Variants in TTC39C observed in about 807,000 individuals in gnomAD.
The protein encoded by TTC39C is tetratricopeptide repeat domain 39C, also known as tetratricopeptide repeat protein 39C.
A neutral mutation model predicts 76.3 loss-of-function variants in TTC39C; 33 were observed. That is an observed-to-expected ratio of 0.43 (90% CI 0.33 to 0.58). The LOEUF is 0.58. Among genes scored for constraint, TTC39C ranks in the 20% least tolerant of loss-of-function variants. TTC39C has a pLI of 0.04. For missense variants in TTC39C, 595 were observed against 701.4 expected (o/e 0.85, Z 1.71); for synonymous variants, 254 against 260.6 (o/e 0.97, Z 0.24).
At position 24,049,643 on chromosome 18, in the gene TTC39C, G is replaced by T. The variant is rs1490811015; in HGVS notation, c.168-14497G>T. On this transcript the variant is annotated intron_variant, in intron 1 of 13. Coordinates refer to ENST00000317571, the MANE Select transcript of TTC39C (RefSeq NM_001135993.2). ...CCGACCCGAGGGACCAGGAAGAGTG[G>T]TCTGGAACCAGCACCCTTTGGACCT... Among the ~76,000 whole-genome samples, 4 of 152,302 alleles carry T rather than the reference G, an allele frequency of 2.6e-5. No individual in the cohort carries two copies. The East Asian group carries it at 7.7e-4, about 29-fold the overall frequency.
At chr18:24,042,000 C>T (rs1046011607) in intron 1 of TTC39C, among the ~76,000 whole-genome samples, 2 of 152,112 alleles carry the variant, frequency 1.3e-5, no homozygotes, top group African/African-American at 2.4e-5. Context: ...TATTTTTAAC[C>T]GTTAACAACA....
At chr18:24,083,403 C>G (rs2084401308) in intron 6 of TTC39C, among the ~76,000 whole-genome samples, 1 of 152,112 alleles carries the variant, frequency 6.6e-6, no homozygotes, top group Non-Finnish European at 1.5e-5. Context: ...CAATTTTTTT[C>G]CCTCTCTGAA....
chr18:24,055,383 CCTTT>C (rs958551011), intron 1 of TTC39C, among the ~76,000 whole-genome samples: 220 of 152,284 alleles, frequency 1.4e-3, no homozygotes, highest in Non-Finnish European at 2.1e-3. Context: ...TTCTCCACAT[CCTTT>C]CTAACACTTA....
chr18:24,052,378 T>C (rs1359781978), intron 1 of TTC39C, among the ~76,000 whole-genome samples: 1 of 152,186 alleles, frequency 6.6e-6, no homozygotes, highest in African/African-American at 2.4e-5. Context: ...TACTTGGTGT[T>C]CAGCAAACAT....
At chr18:24,104,208 A>G (rs1231026098) in intron 6 of TTC39C, among the ~76,000 whole-genome samples, 1 of 152,152 alleles carries the variant, frequency 6.6e-6, no homozygotes, top group Non-Finnish European at 1.5e-5. Flanking sequence ...CTGGGTTTAT[A>G]GGCATGAGCT....
At chr18:24,115,900 A>C (rs765663533) in intron 7 of TTC39C, among the ~76,000 whole-genome samples, 3 of 152,248 alleles carry the variant, frequency 2.0e-5, no homozygotes, top group African/African-American at 2.4e-5. Flanking sequence ...AAAGAACTTG[A>C]ATGAAAAACT....
intron 1 of TTC39C, among the ~76,000 whole-genome samples, chr18:24,039,292 C>A (rs918042360): frequency 6.6e-6 from 1 of 152,170 alleles, no homozygotes; most frequent in African/African-American, 2.4e-5. Context: ...GGAAGTCTCC[C>A]AGGGTACTGG....
At chr18:24,112,540 T>C (rs2084829399) in intron 6 of TTC39C, among the ~76,000 whole-genome samples, 1 of 152,254 alleles carries the variant, frequency 6.6e-6, no homozygotes, top group Non-Finnish European at 1.5e-5. Context: ...TCTTTTTCCT[T>C]TCCTTAGATT....
chr18:24,005,763 T>C (rs2083346908), intron 1 of TTC39C, among the ~76,000 whole-genome samples: 1 of 151,292 alleles, frequency 6.6e-6, no homozygotes, highest in Non-Finnish European at 1.5e-5. Context: ...GAGGACGGCT[T>C]GAATCTAAGA....
At chr18:24,079,471 G>A (rs1384524628) in intron 4 of TTC39C, among the ~76,000 whole-genome samples, 2 of 152,162 alleles carry the variant, frequency 1.3e-5, no homozygotes, top group Non-Finnish European at 2.9e-5. Flanking sequence ...TGGCCTAACA[G>A]AAAATAGTGG....
At chr18:24,013,228 T>G (rs1162060307), upstream of TTC39C, among the ~76,000 whole-genome samples, 1 of 152,242 alleles carries the variant, frequency 6.6e-6, no homozygotes, top group African/African-American at 2.4e-5. Context: ...TTCCCAAGGA[T>G]GTGAATCGTC....
At chr18:24,067,674 C>T (rs1599292935) in intron 3 of TTC39C, among the ~76,000 whole-genome samples, 1 of 152,190 alleles carries the variant, frequency 6.6e-6, no homozygotes, top group East Asian at 1.9e-4. Context: ...CTCCCACCCC[C>T]TCAACCCAGT....
chr18:24,044,940 A>G (rs1437992603), intron 1 of TTC39C, among the ~76,000 whole-genome samples: 1 of 152,050 alleles, frequency 6.6e-6, no homozygotes, highest in East Asian at 1.9e-4. Context: ...TTTGGAGACC[A>G]TTGGCATCAG....
chr18:24,032,143 G>A (rs1351080778), intron 1 of TTC39C, among the ~76,000 whole-genome samples: 1 of 152,238 alleles, frequency 6.6e-6, no homozygotes, highest in African/African-American at 2.4e-5. Flanking sequence ...TCCCCAGGGA[G>A]TGTGGCCCTG....
intron 1 of TTC39C, among the ~76,000 whole-genome samples, chr18:24,047,154 C>T (rs56888933): frequency 0.013 from 1,956 of 151,700 alleles, 96 homozygotes; most frequent in African/African-American, 0.046. Context: ...AGTGCAGTGG[C>T]GCGATCTCCG....
intron 5 of TTC39C, among the ~76,000 whole-genome samples, chr18:24,082,061 A>T (rs1187260430): frequency 7.8e-6 from 1 of 128,044 alleles, no homozygotes; most frequent in African/African-American, 3.1e-5. Context: ...TCTGTAGCCC[A>T]GGGTGGAGTG....
chr18:24,074,692 C>T (rs1221070254), intron 4 of TTC39C, among the ~76,000 whole-genome samples: 1 of 152,172 alleles, frequency 6.6e-6, no homozygotes, highest in Non-Finnish European at 1.5e-5. Flanking sequence ...AACACTTTTA[C>T]ACTGTTGGTG....
chr18:24,049,635 G>A (rs866277848), intron 1 of TTC39C, among the ~76,000 whole-genome samples: 4 of 152,314 alleles, frequency 2.6e-5, no homozygotes, highest in Non-Finnish European at 4.4e-5. Context: ...GAGGGACCAG[G>A]AAGAGTGGTC....
Position 24,046,489 on chromosome 18 carries a change from T to C in TTC39C, c.168-17651T>C, listed in dbSNP as rs991039104. Among the ~76,000 whole-genome samples the C allele has an allele frequency of 2.0e-5, 3 of 151,780 alleles. No homozygotes were observed. In the East Asian group the frequency reaches 5.8e-4, roughly 29 times the overall value. The stretch of plus-strand genomic sequence containing the variant: ...TCATAGATTTAGTCCAGGATCAACT[T>C]GAGATTTTAACTTGGTAGCGTTTTC... On this transcript the variant is annotated intron_variant, in intron 1 of 13. Transcript: ENST00000317571.
Sources: allele counts gnomAD v4.1 joint callset (sites outside exome capture counted in the v4.1 genomes callset), GRCh38; gene constraint gnomAD v4.1.1; transcripts MANE v1.5; gene names NCBI Gene and HGNC (gene_info 2026-07-23, HGNC 2026-07-21).